Variants in ZNF69 observed in about 807,000 individuals in gnomAD.
The protein encoded by ZNF69 is ZNF3.
In ZNF69, 47 loss-of-function variants were observed where a neutral mutation model predicts 50.9. The ratio of observed to expected loss-of-function variants is 0.92; its 90% CI spans 0.73 to 1.18. The LOEUF (loss-of-function observed/expected upper bound fraction) is 1.18, where lower values mean the gene tolerates loss of function less well. Ranked by LOEUF, ZNF69 falls within the 50% of genes most tolerant of loss-of-function variation. ZNF69 has a pLI of 0.00. For missense variants in ZNF69, 717 were observed against 675.1 expected (o/e 1.06, Z -0.69); for synonymous variants, 216 against 223.1 (o/e 0.97, Z 0.29).
chr19:11,945,756 G>A, the ZNF69 span, among the ~76,000 whole-genome samples: 1 of 151,928 alleles, frequency 6.6e-6, no homozygotes, highest in East Asian at 1.9e-4. Flanking sequence ...TCCCTTTCCG[G>A]GTAACTTTAG....
the ZNF69 span, among the ~76,000 whole-genome samples, chr19:11,971,158 A>G: frequency 6.6e-6 from 1 of 152,152 alleles, no homozygotes; most frequent in Admixed American, 6.6e-5. Context: ...TTTGTTTCTG[A>G]CAGTTCTTGA....
downstream of ZNF69, among the ~76,000 whole-genome samples, chr19:11,919,007 T>C (rs552793705): frequency 6.6e-6 from 1 of 152,078 alleles, no homozygotes. Flanking sequence ...GCCATTCTCC[T>C]GCCTCAGCCT....
the ZNF69 span, among the ~76,000 whole-genome samples, chr19:11,929,218 T>C: frequency 8.1e-5 from 12 of 148,432 alleles, 2 homozygotes; most frequent in African/African-American, 3.2e-4. Context: ...CAGGCTGGAG[T>C]GCAGGCGCGA....
At chr19:11,918,189 T>C (rs1470428349), downstream of ZNF69, among the ~76,000 whole-genome samples, 2 of 152,226 alleles carry the variant, frequency 1.3e-5, no homozygotes, top group Non-Finnish European at 2.9e-5. Flanking sequence ...TTGTAGATTA[T>C]GGGTAAATTC....
chr19:11,920,972 C>T, the ZNF69 span, among the ~76,000 whole-genome samples: 42,052 of 151,990 alleles, frequency 0.28, 6,392 homozygotes, highest in African/African-American at 0.36. Flanking sequence ...CAAGTTACAG[C>T]TCTACCCTCC....
downstream of ZNF69, among the ~76,000 whole-genome samples, chr19:11,910,527 A>G (rs574791442): frequency 1.3e-5 from 2 of 152,236 alleles, no homozygotes; most frequent in East Asian, 3.9e-4. Context: ...CACATCTACA[A>G]CCATCTGATC....
chr19:11,978,796 A>G, the ZNF69 span: 5 of 1,614,186 alleles, frequency 3.1e-6, no homozygotes, highest in Non-Finnish European at 4.2e-6. Context: ...CAATGTGGCA[A>G]ATCCTTCAGT....
At chr19:11,915,891 G>A (rs1003638195), downstream of ZNF69, among the ~76,000 whole-genome samples, 14 of 152,152 alleles carry the variant, frequency 9.2e-5, no homozygotes, top group Middle Eastern at 0.014. Flanking sequence ...GTGACAGAGC[G>A]AGACTCTGTC....
At chr19:11,917,947 T>C (rs1191801675), downstream of ZNF69, among the ~76,000 whole-genome samples, 1 of 151,836 alleles carries the variant, frequency 6.6e-6, no homozygotes, top group Admixed American at 6.6e-5. Context: ...GCAACCACAC[T>C]CAGCTAATTT....
the ZNF69 span, chr19:11,924,977 T>C: frequency 0.015 from 6,912 of 464,402 alleles, 75 homozygotes; most frequent in South Asian, 0.023. Flanking sequence ...AGTCTGGCTC[T>C]GCGGGGCCTG....
chr19:11,910,758 A>T (rs1367195512), downstream of ZNF69, among the ~76,000 whole-genome samples: 1 of 152,234 alleles, frequency 6.6e-6, no homozygotes, highest in African/African-American at 2.4e-5. Context: ...GGACATAGGC[A>T]TGGGCAAGGA....
At chr19:11,940,887 C>T in the ZNF69 span, among the ~76,000 whole-genome samples, 2 of 152,136 alleles carry the variant, frequency 1.3e-5, no homozygotes, top group Non-Finnish European at 2.9e-5. Context: ...AAGGCCCCAC[C>T]AGAATAGCTA....
chr19:11,954,996 ATTT>A, the ZNF69 span, among the ~76,000 whole-genome samples: 223 of 101,696 alleles, frequency 2.2e-3, no homozygotes, highest in African/African-American at 7.5e-3. Flanking sequence ...TTTCAAAAAA[ATTT>A]TTTTTTTTTT....
the ZNF69 span, among the ~76,000 whole-genome samples, chr19:11,928,727 G>A: frequency 3.4e-5 from 4 of 116,758 alleles, no homozygotes; most frequent in Non-Finnish European, 6.5e-5. Flanking sequence ...GCGAGACTCC[G>A]TCTCAAAAAA....
chr19:11,969,306 C>T, the ZNF69 span, among the ~76,000 whole-genome samples: 1 of 152,108 alleles, frequency 6.6e-6, no homozygotes, highest in Non-Finnish European at 1.5e-5. Context: ...CGTTTTATCA[C>T]GTTCGCCAGG....
the ZNF69 span, chr19:11,978,867 A>G: frequency 6.2e-7 from 1 of 1,614,216 alleles, no homozygotes; most frequent in Middle Eastern, 1.6e-4. Context: ...CTGTGAATGT[A>G]GCAAATGTAA....
At chr19:11,946,363 G>T in the ZNF69 span, among the ~76,000 whole-genome samples, 6 of 152,032 alleles carry the variant, frequency 3.9e-5, no homozygotes. Flanking sequence ...AGGTAAGGAC[G>T]GGGGGCATTG....
the ZNF69 span, chr19:11,978,821 T>C: frequency 6.2e-7 from 1 of 1,614,176 alleles, no homozygotes; most frequent in Non-Finnish European, 8.5e-7. Context: ...GTCATTCCTT[T>C]CAAATACATG....
chr19:11,961,047 G>A, the ZNF69 span, among the ~76,000 whole-genome samples: 1 of 152,222 alleles, frequency 6.6e-6, no homozygotes, highest in African/African-American at 2.4e-5. Flanking sequence ...GGGAGGCCGA[G>A]GCAGGAGGAT....
Sources: allele counts gnomAD v4.1 joint callset (sites outside exome capture counted in the v4.1 genomes callset), GRCh38; gene constraint gnomAD v4.1.1; transcripts MANE v1.5; gene names NCBI Gene and HGNC (gene_info 2026-07-23, HGNC 2026-07-21).